The following ESRRG variants were observed in gnomAD, a reference collection of about 807,000 sequenced individuals.
The protein encoded by ESRRG is estrogen related receptor gamma, also known as estrogen-related receptor gamma.
A neutral mutation model predicts 44.0 loss-of-function variants in ESRRG; 13 were observed. The observed-to-expected ratio is 0.30, with a 90% CI of 0.19 to 0.47. The LOEUF (loss-of-function observed/expected upper bound fraction) is 0.47, where lower values mean the gene tolerates loss of function less well. Among genes scored for constraint, ESRRG ranks in the 20% least tolerant of loss-of-function variants. The probability of loss-of-function intolerance (pLI) is 1.00; values close to 1 mark genes in which losing one functional copy is unlikely to be tolerated. For synonymous variants in ESRRG, 215 were observed against 214.6 expected (o/e 1.00, Z -0.02); for missense variants, 395 against 580.6 (o/e 0.68, Z 3.29).
At chr1:216,848,128 G>C (rs988971769) in intron 2 of ESRRG, among the ~76,000 whole-genome samples, 1 of 152,040 alleles carries the variant, frequency 6.6e-6, no homozygotes, top group African/African-American at 2.4e-5. Flanking sequence ...TGTCCCGTGG[G>C]GTAATGGTGG....
chr1:216,629,337 G>T (rs11581434), intron 3 of ESRRG, among the ~76,000 whole-genome samples: 29,853 of 152,108 alleles, frequency 0.2, 3,734 homozygotes, highest in Non-Finnish European at 0.29. Context: ...GGGAAGGAAA[G>T]ATTTTTTTTT....
chr1:216,929,143 C>G (rs535232403), intron 2 of ESRRG, among the ~76,000 whole-genome samples: 5 of 152,272 alleles, frequency 3.3e-5, no homozygotes, highest in African/African-American at 9.6e-5. Context: ...AAAAACCACA[C>G]TGGTCTCCCA....
chr1:216,908,529 T>C (rs1277615484), intron 2 of ESRRG, among the ~76,000 whole-genome samples: 2 of 152,172 alleles, frequency 1.3e-5, no homozygotes, highest in African/African-American at 2.4e-5. Flanking sequence ...GACCATAATA[T>C]AGGTATTGTC....
rs115927942 is a variant in ESRRG at position 216,712,352 on chromosome 1, T to C, written c.56+10892A>G. On this transcript the variant is annotated intron_variant, in intron 1 of 6. Coordinates refer to ENST00000408911, the MANE Select transcript of ESRRG (RefSeq NM_001438.4). ...GGAATATGATAGAAAATCTTATCCT[T>C]GAGGTCCTTGGCTAAAGGATTTGAG... 1.9e-3 allele frequency among the ~76,000 whole-genome samples: 285 copies of C among 152,316 alleles called. 1 individual carries two copies. The highest frequency in any genetic ancestry group is 4.1e-3 in the South Asian group (20 of 4,822).
At chr1:216,534,963 C>A (rs1558327331) in intron 5 of ESRRG, among the ~76,000 whole-genome samples, 1 of 152,088 alleles carries the variant, frequency 6.6e-6, no homozygotes, top group African/African-American at 2.4e-5. Context: ...AGTCAGCCTG[C>A]AAACTGAAAT....
At chr1:216,663,943 T>C (rs942923293) in intron 2 of ESRRG, among the ~76,000 whole-genome samples, 1 of 152,144 alleles carries the variant, frequency 6.6e-6, no homozygotes, top group African/African-American at 2.4e-5. Flanking sequence ...GTGGTGGCAC[T>C]GAAGAGTTGC....
At chr1:216,963,137 AT>A (rs1347426564) in intron 1 of ESRRG, among the ~76,000 whole-genome samples, 1 of 152,222 alleles carries the variant, frequency 6.6e-6, no homozygotes, top group Admixed American at 6.5e-5. Flanking sequence ...ATAAGGCGCT[AT>A]ATAAATGTGA....
chr1:217,072,748 C>A (rs1488571031), intron 1 of ESRRG, among the ~76,000 whole-genome samples: 4 of 152,028 alleles, frequency 2.6e-5, no homozygotes, highest in Non-Finnish European at 5.9e-5. Context: ...CTTCTGTTAT[C>A]TATTTATTAG....
intron 3 of ESRRG, among the ~76,000 whole-genome samples, chr1:216,596,792 T>C (rs776253604): frequency 6.6e-6 from 1 of 152,154 alleles, no homozygotes; most frequent in Non-Finnish European, 1.5e-5. Flanking sequence ...GTGGCATATG[T>C]TTGCATCTGT....
chr1:216,619,966 CTCTG>C (rs2061962476), intron 3 of ESRRG, among the ~76,000 whole-genome samples: 1 of 152,124 alleles, frequency 6.6e-6, no homozygotes, highest in South Asian at 2.1e-4. Flanking sequence ...CACACACTTT[CTCTG>C]TCTATGATCT....
chr1:216,874,520 T>C (rs2096315409), intron 2 of ESRRG, among the ~76,000 whole-genome samples: 1 of 152,240 alleles, frequency 6.6e-6, no homozygotes, highest in Non-Finnish European at 1.5e-5. Context: ...AGCTCTTGTG[T>C]CTTCCATGCC....
At chr1:216,985,393 C>T (rs1212036209) in intron 1 of ESRRG, among the ~76,000 whole-genome samples, 1 of 152,194 alleles carries the variant, frequency 6.6e-6, no homozygotes, top group East Asian at 1.9e-4. Flanking sequence ...CCAATCCAGG[C>T]TGGAGAAGGA....
rs2094985689 is a variant in ESRRG, at chr1:216,811,994, G to A, written c.-14+127588C>T. ...TCCAAGGAGCTGACTCTGGCACACG[G>A]CCGGCCACTGTCAAATCAGGGAGGT... On this transcript the variant is annotated intron_variant, in intron 2 of 7. Transcript: ENST00000359162. Among the ~76,000 whole-genome samples the A allele has an allele frequency of 2.0e-5, 3 of 152,250 alleles. No homozygotes were observed. In the South Asian group the frequency reaches 6.2e-4, roughly 32 times the overall value.
chr1:216,886,384 C>T (rs2096518313), intron 2 of ESRRG, among the ~76,000 whole-genome samples: 1 of 152,130 alleles, frequency 6.6e-6, no homozygotes, highest in African/African-American at 2.4e-5. Flanking sequence ...AGGTGATGTT[C>T]ATTTAAACTG....
intron 2 of ESRRG, among the ~76,000 whole-genome samples, chr1:216,819,876 T>C (rs892464833): frequency 1.6e-4 from 24 of 152,166 alleles, no homozygotes; most frequent in Non-Finnish European, 8.8e-5. Flanking sequence ...CACAGCTTTG[T>C]AGAACAATGG....
chr1:216,846,820 C>T (rs1243756855), intron 2 of ESRRG, among the ~76,000 whole-genome samples: 2 of 151,918 alleles, frequency 1.3e-5, no homozygotes, highest in Non-Finnish European at 2.9e-5. Flanking sequence ...TAAAGCTGAA[C>T]CTGAATCTTC....
chr1:216,706,003 T>C (rs1343725897), intron 1 of ESRRG, among the ~76,000 whole-genome samples: 2 of 152,106 alleles, frequency 1.3e-5, no homozygotes, highest in Admixed American at 6.6e-5. Context: ...GCAAATCCTT[T>C]ACATGCAATA....
At chr1:216,809,506 T>C (rs2094904219) in intron 2 of ESRRG, among the ~76,000 whole-genome samples, 1 of 152,152 alleles carries the variant, frequency 6.6e-6, no homozygotes, top group African/African-American at 2.4e-5. Flanking sequence ...GATAGCAACA[T>C]TTTTATGCTG....
At chr1:216,955,648 T>C (rs1252496413) in intron 1 of ESRRG, among the ~76,000 whole-genome samples, 3 of 152,188 alleles carry the variant, frequency 2.0e-5, no homozygotes, top group African/African-American at 4.8e-5. Context: ...CTGTGTTAAT[T>C]TACATTCCCA....
Sources: gnomAD v4.1 joint callset for allele counts (sites outside exome capture counted in the v4.1 genomes callset) on GRCh38, gnomAD v4.1.1 for gene constraint, MANE v1.5 for transcripts, NCBI Gene and HGNC (gene_info 2026-07-23, HGNC 2026-07-21) for gene names.